BRINP3: variants seen among roughly 807,000 people sequenced by gnomAD.
The protein encoded by BRINP3 is BMP/retinoic acid inducible neural specific 3, also known as BMP/retinoic acid-inducible neural-specific protein 3.
In BRINP3, 19 loss-of-function variants were observed where a neutral mutation model predicts 71.0. The observed-to-expected ratio is 0.27, with a 90% CI of 0.19 to 0.39. BRINP3 has a LOEUF of 0.39. BRINP3 is among the 10% of genes least tolerant of loss of function. The probability of loss-of-function intolerance (pLI) is 1.00; values close to 1 mark genes in which losing one functional copy is unlikely to be tolerated. For missense variants in BRINP3, 959 were observed against 940.8 expected (o/e 1.02, Z -0.25); for synonymous variants, 380 against 337.7 (o/e 1.13, Z -1.37).
chr1:190,364,773 CT>C (rs777769468), intron 2 of BRINP3, among the ~76,000 whole-genome samples: 4 of 152,032 alleles, frequency 2.6e-5, no homozygotes, highest in Non-Finnish European at 5.9e-5. Flanking sequence ...GCAAAACTGT[CT>C]TTGCTAATAA....
At chr1:190,105,898 C>T (rs552351608) in intron 7 of BRINP3, among the ~76,000 whole-genome samples, 18 of 151,946 alleles carry the variant, frequency 1.2e-4, no homozygotes, top group African/African-American at 4.1e-4. Context: ...CAAAGATAAA[C>T]ACAATTACTT....
At chr1:190,340,051 A>T (rs572972306) in intron 2 of BRINP3, among the ~76,000 whole-genome samples, 1 of 151,926 alleles carries the variant, frequency 6.6e-6, no homozygotes, top group Non-Finnish European at 1.5e-5. Context: ...GGAAAGAAAA[A>T]ATAGCTATTT....
intron 2 of BRINP3, among the ~76,000 whole-genome samples, chr1:190,330,422 C>T (rs535764527): frequency 3.3e-5 from 5 of 151,912 alleles, no homozygotes; most frequent in South Asian, 2.1e-4. Flanking sequence ...AAATCAAAAC[C>T]GCAATGAGAT....
chr1:190,361,137 GGGACAAGCAGGAATAA>G (rs1391563084), intron 2 of BRINP3, among the ~76,000 whole-genome samples: 1 of 151,866 alleles, frequency 6.6e-6, no homozygotes, highest in East Asian at 2.0e-4. Context: ...TGGTTTGACA[GGGACAAGCAGGAATAA>G]GAGGCAAGGA....
At chr1:190,413,242 T>TA (rs34702123) in intron 2 of BRINP3, among the ~76,000 whole-genome samples, 1 of 152,014 alleles carries the variant, frequency 6.6e-6, no homozygotes, top group African/African-American at 2.4e-5. Flanking sequence ...GTATATTAAC[T>TA]AAAAATTAAA....
At chr1:190,199,801 CA>C (rs112424725) in intron 6 of BRINP3, among the ~76,000 whole-genome samples, 17 of 138,522 alleles carry the variant, frequency 1.2e-4, no homozygotes, top group African/African-American at 3.8e-4. Context: ...CAAAAACAAA[CA>C]AAAAAAAAAC....
chr1:190,377,026 G>A (rs558044642), intron 2 of BRINP3, among the ~76,000 whole-genome samples: 8 of 151,900 alleles, frequency 5.3e-5, no homozygotes, highest in Non-Finnish European at 8.8e-5. Context: ...CATGAAAAGT[G>A]ACTAGAACAA....
rs1675922939 is a variant in BRINP3 at position 190,455,470 on chromosome 1, T to G, written c.-50-530A>C. On this transcript the variant is annotated intron_variant, in intron 1 of 7. Transcript: ENST00000367462. ...ATATGTATGTATATGTGTGTATATG[T>G]GTGTATACCTATTATAGATATATAT... 2.0e-5 allele frequency among the ~76,000 whole-genome samples: 3 copies of G among 152,236 alleles called. No homozygotes were observed. The South Asian group carries it at 6.2e-4, about 32-fold the overall frequency.
In BRINP3 at chr1:190,226,098, A is replaced by G. The variant is rs770672623; in HGVS notation, c.945T>C (p.Ser315=). The change falls in exon 6 of 8, where the codon AGT becomes AGC. Residue 315 remains serine (S), a synonymous_variant. Transcript: ENST00000367462. The part of the protein sequence containing the change: ...RITETWKAYN[S]DFEESDEFKL... Reference sequence around the variant, plus strand: ...ATGTCTTACCTGATTCCTCAAAGTCACTGTTGTAAGCTTTCCAGGTTTCAG... The same window carrying G: ...ATGTCTTACCTGATTCCTCAAAGTCGCTGTTGTAAGCTTTCCAGGTTTCAG... The G allele has an allele frequency of 7.6e-6, 12 of 1,589,040 alleles. No homozygotes were observed. Among genetic ancestry groups the G allele is most frequent in the South Asian group, 5.7e-5 (5 of 88,112 alleles).
intron 6 of BRINP3, among the ~76,000 whole-genome samples, chr1:190,211,251 G>A (rs1295884468): frequency 1.3e-5 from 2 of 152,112 alleles, no homozygotes. Flanking sequence ...GGGTGACAGA[G>A]CAAGACTCCA....
At chr1:190,238,439 T>A (rs1658734164) in intron 4 of BRINP3, among the ~76,000 whole-genome samples, 2 of 152,168 alleles carry the variant, frequency 1.3e-5, no homozygotes, top group East Asian at 3.9e-4. Flanking sequence ...CTAGAATATA[T>A]AAATAAATTC....
intron 6 of BRINP3, among the ~76,000 whole-genome samples, chr1:190,166,913 C>A (rs1019985552): frequency 2.0e-5 from 3 of 151,868 alleles, no homozygotes. Flanking sequence ...TTAGTAGAGA[C>A]GGGGATTCAC....
chr1:190,165,457 TTTTTGTGTGTG>T (rs1052022630), intron 6 of BRINP3, among the ~76,000 whole-genome samples: 2 of 107,664 alleles, frequency 1.9e-5, no homozygotes, highest in Non-Finnish European at 3.9e-5. Context: ...TTTTTTTTTT[TTTTTGTGTGTG>T]TGTGTGTGTG....
At chr1:190,136,697 T>C (rs1655005985) in intron 7 of BRINP3, among the ~76,000 whole-genome samples, 1 of 152,112 alleles carries the variant, frequency 6.6e-6, no homozygotes, top group South Asian at 2.1e-4. Flanking sequence ...TGCATAAGTC[T>C]TGTAATTTGA....
chr1:190,418,962 C>A (rs901968204), intron 2 of BRINP3, among the ~76,000 whole-genome samples: 1 of 152,008 alleles, frequency 6.6e-6, no homozygotes, highest in Non-Finnish European at 1.5e-5. Context: ...TTTTTACTAT[C>A]CATATCATGC....
intron 4 of BRINP3, among the ~76,000 whole-genome samples, chr1:190,256,373 CTA>C (rs1019964091): frequency 2.6e-5 from 4 of 152,070 alleles, no homozygotes; most frequent in African/African-American, 9.7e-5. Flanking sequence ...TATTTTGAGC[CTA>C]TGTGTCTCTG....
intron 2 of BRINP3, among the ~76,000 whole-genome samples, chr1:190,318,589 G>GATT (rs1339495882): frequency 6.6e-6 from 1 of 151,970 alleles, no homozygotes; most frequent in East Asian, 1.9e-4. Context: ...GAAAGGTTTT[G>GATT]ATTATTATAA....
chr1:190,432,081 C>T lies in BRINP3; in HGVS notation c.236+22574G>A, dbSNP rs532755373. ...ATATACACAAATAGGAAAAATGGTG[C>T]ATTAGAAATAAACAAAACTGCAAAA... is the stretch of plus-strand genomic sequence containing the variant. On this transcript the variant is annotated intron_variant, in intron 2 of 7. Transcript: ENST00000367462. 5.3e-5 allele frequency among the ~76,000 whole-genome samples: 8 copies of T among 152,166 alleles called. No homozygotes were observed. The East Asian group carries it at 1.5e-3, about 29-fold the overall frequency.
At position 190,305,191 on chromosome 1, in the gene BRINP3, G is replaced by A. The variant is rs187369771; in HGVS notation, c.237-23441C>T. Among the ~76,000 whole-genome samples the A allele has an allele frequency of 5.3e-5, 8 of 151,976 alleles. No homozygotes were observed. The East Asian group carries it at 1.5e-3, about 29-fold the overall frequency. On this transcript the variant is annotated intron_variant, in intron 2 of 7. Coordinates refer to ENST00000367462, the MANE Select transcript of BRINP3 (RefSeq NM_199051.3). Reference sequence around the variant, plus strand: ...AGTATAGCAATTGTAGAAAAAATTTGGAGGTTCCTCAAAAAATTAAAAATC... The same window carrying A: ...AGTATAGCAATTGTAGAAAAAATTTAGAGGTTCCTCAAAAAATTAAAAATC...
Sources: allele counts gnomAD v4.1 joint callset (sites outside exome capture counted in the v4.1 genomes callset), GRCh38; gene constraint gnomAD v4.1.1; transcripts MANE v1.5; gene names NCBI Gene and HGNC (gene_info 2026-07-23, HGNC 2026-07-21).